The following TNIK variants were observed in gnomAD, a reference collection of about 807,000 sequenced individuals.
TNIK encodes TRAF2 and NCK-interacting protein kinase.
TNIK carries 49 observed loss-of-function variants against 191.3 expected under a neutral mutation model. The ratio of observed to expected loss-of-function variants is 0.26; its 90% CI spans 0.20 to 0.32. TNIK has a LOEUF of 0.32. Ranked by LOEUF, TNIK falls within the 10% of genes least tolerant of loss-of-function variation. The pLI, the probability that TNIK is intolerant of heterozygous loss-of-function variation, is 1.00. For synonymous variants in TNIK, 594 were observed against 600.9 expected (o/e 0.99, Z 0.17); for missense variants, 1,155 against 1,702.3 (o/e 0.68, Z 5.66).
chr3:171,420,844 T>C (rs1395381522), intron 1 of TNIK, among the ~76,000 whole-genome samples: 1 of 152,186 alleles, frequency 6.6e-6, no homozygotes, highest in Non-Finnish European at 1.5e-5. Flanking sequence ...GAGGGCAGCA[T>C]CTATTGTGTG....
intron 1 of TNIK, among the ~76,000 whole-genome samples, chr3:171,395,611 A>T (rs1056879309): frequency 2.6e-5 from 4 of 152,234 alleles, no homozygotes; most frequent in African/African-American, 4.8e-5. Context: ...CCATAGAAAG[A>T]CATTTGATAT....
intron 1 of TNIK, among the ~76,000 whole-genome samples, chr3:171,392,357 G>C (rs541186553): frequency 6.6e-6 from 1 of 152,294 alleles, no homozygotes; most frequent in East Asian, 1.9e-4. Context: ...AGAAAGGGGA[G>C]GAGAGGGATG....
intron 2 of TNIK, among the ~76,000 whole-genome samples, chr3:171,250,106 C>G (rs1358438204): frequency 6.6e-6 from 1 of 152,218 alleles, no homozygotes; most frequent in Non-Finnish European, 1.5e-5. Flanking sequence ...AAATTTCACC[C>G]AACTTCTGCT....
intron 2 of TNIK, among the ~76,000 whole-genome samples, chr3:171,308,200 C>G (rs1753663002): frequency 6.6e-6 from 1 of 152,096 alleles, no homozygotes; most frequent in South Asian, 2.1e-4. Context: ...GTAACCAAAA[C>G]AGCATGGTAC....
chr3:171,347,858 A>T (rs1425687751), intron 2 of TNIK, among the ~76,000 whole-genome samples: 1 of 152,202 alleles, frequency 6.6e-6, no homozygotes, highest in African/African-American at 2.4e-5. Context: ...TTAGTCACTC[A>T]TCAAGAGTGA....
At chr3:171,316,914 ATATAT>A in intron 2 of TNIK, among the ~76,000 whole-genome samples, 1 of 107,698 alleles carries the variant, frequency 9.3e-6, no homozygotes, top group Admixed American at 9.8e-5. Flanking sequence ...ATTATATGAT[ATATAT>A]CATATAAAAT....
chr3:171,135,382 T>C (rs190874225), intron 15 of TNIK, among the ~76,000 whole-genome samples: 1 of 152,246 alleles, frequency 6.6e-6, no homozygotes. Context: ...TTAAAAATGA[T>C]GACTCAAACC....
At chr3:171,124,106 A>C (rs1171563582) in intron 17 of TNIK, among the ~76,000 whole-genome samples, 5 of 152,228 alleles carry the variant, frequency 3.3e-5, no homozygotes, top group Non-Finnish European at 7.3e-5. Flanking sequence ...AGATGAAGCA[A>C]GTTCCACTTT....
intron 2 of TNIK, among the ~76,000 whole-genome samples, chr3:171,229,978 G>A (rs1743416069): frequency 6.6e-6 from 1 of 152,162 alleles, no homozygotes; most frequent in South Asian, 2.1e-4. Flanking sequence ...CTGTGTCTGG[G>A]CCCTCATTTC....
chr3:171,292,796 GAATC>G (rs1254176741), intron 2 of TNIK, among the ~76,000 whole-genome samples: 2 of 83,522 alleles, frequency 2.4e-5, no homozygotes, highest in Non-Finnish European at 5.3e-5. Context: ...AAAAAAAAAA[GAATC>G]AGCCAGAGAC....
chr3:171,281,186 C>CA lies in TNIK; in HGVS notation c.124-52966dup, dbSNP rs5854413. On this transcript the variant is annotated intron_variant, in intron 2 of 32. Coordinates refer to ENST00000436636, the MANE Select transcript of TNIK (RefSeq NM_015028.4). ...GTTACTTTCTATTTCTCTTTGGCCT[C>CA]AAAAAAAAAAATGGCAGTCTGAAGG... 3.2e-3 allele frequency among the ~76,000 whole-genome samples: 469 copies of CA among 146,190 alleles called. 2 individuals are homozygous for CA. Among genetic ancestry groups the CA allele is most frequent in the African/African-American group, 9.3e-3 (372 of 39,838 alleles).
At chr3:171,283,246 A>G (rs886103145) in intron 2 of TNIK, among the ~76,000 whole-genome samples, 1 of 151,974 alleles carries the variant, frequency 6.6e-6, no homozygotes, top group African/African-American at 2.4e-5. Flanking sequence ...GAACTAAGAA[A>G]ACATACAGTT....
chr3:171,062,398 G>A lies in TNIK; in HGVS notation c.*1483C>T, dbSNP rs1484409080. 3 of 152,196 alleles carry A rather than the reference G, an allele frequency of 2.0e-5. No individual in the cohort carries two copies. The East Asian group carries it at 5.8e-4, about 29-fold the overall frequency. The allele number at this position is 152,196 out of a possible 1,614,324, so 9.4% of individuals were successfully genotyped here. On this transcript the variant is annotated 3_prime_UTR_variant, in exon 33 of 33. Coordinates refer to ENST00000436636, the MANE Select transcript of TNIK (RefSeq NM_015028.4). The stretch of plus-strand genomic sequence containing the variant: ...ACAGTGAAACAAAAACAAACAAAAC[G>A]AGGTAGGTTAAAACAGGAAGCGCAA...
chr3:171,412,615 G>C (rs992785950), intron 1 of TNIK, among the ~76,000 whole-genome samples: 3 of 152,176 alleles, frequency 2.0e-5, no homozygotes, highest in African/African-American at 7.2e-5. Context: ...AGAGCACTTA[G>C]AAAGCAAGAG....
At chr3:171,272,924 G>A (rs1749292703) in intron 2 of TNIK, among the ~76,000 whole-genome samples, 1 of 152,218 alleles carries the variant, frequency 6.6e-6, no homozygotes, top group African/African-American at 2.4e-5. Context: ...ACGTACTGAT[G>A]TTTGTGCATT....
chr3:171,103,668 GTTAC>G (rs1723983270), intron 21 of TNIK, among the ~76,000 whole-genome samples: 1 of 152,024 alleles, frequency 6.6e-6, no homozygotes. Context: ...CATTTAAAAT[GTTAC>G]TTGTTATTAA....
chr3:171,266,052 C>A (rs138903369), intron 2 of TNIK, among the ~76,000 whole-genome samples: 3 of 151,442 alleles, frequency 2.0e-5, no homozygotes, highest in Admixed American at 2.0e-4. Flanking sequence ...GATGTAAATG[C>A]GGCACGGGCC....
At chr3:171,118,256 G>T (rs2108536625) in intron 18 of TNIK, among the ~76,000 whole-genome samples, 1 of 152,292 alleles carries the variant, frequency 6.6e-6, no homozygotes, top group South Asian at 2.1e-4. Context: ...TCTTCAAGGA[G>T]AACTACAAAC....
intron 6 of TNIK, 86 bp downstream of exon 6, chr3:171,190,611 G>T: frequency 9.6e-7 from 1 of 1,041,538 alleles, no homozygotes. Context: ...AATCCACGGT[G>T]ACAAATTAAC....
Sources: allele counts gnomAD v4.1 joint callset (sites outside exome capture counted in the v4.1 genomes callset), GRCh38; gene constraint gnomAD v4.1.1; transcripts MANE v1.5; gene names NCBI Gene and HGNC (gene_info 2026-07-23, HGNC 2026-07-21).